The following DAB1 variants were observed in gnomAD, a reference collection of about 807,000 sequenced individuals.
The protein encoded by DAB1 is DAB adaptor protein 1.
A neutral mutation model predicts 64.6 loss-of-function variants in DAB1; 15 were observed. That is an observed-to-expected ratio of 0.23 (90% CI 0.16 to 0.36). The LOEUF (loss-of-function observed/expected upper bound fraction) is 0.36, where lower values mean the gene tolerates loss of function less well. Among genes scored for constraint, DAB1 ranks in the 10% least tolerant of loss-of-function variants. The pLI is 1.00. For missense variants in DAB1, 596 were observed against 706.7 expected (o/e 0.84, Z 1.78); for synonymous variants, 235 against 251.9 (o/e 0.93, Z 0.64).
At chr1:57,612,914 G>A (rs978702018) in intron 7 of DAB1, among the ~76,000 whole-genome samples, 39 of 152,160 alleles carry the variant, frequency 2.6e-4, no homozygotes, top group African/African-American at 9.2e-4. Context: ...ACCATGAACG[G>A]TATGTGTACA....
chr1:57,044,855 G>C (rs1341102643), intron 9 of DAB1, among the ~76,000 whole-genome samples: 1 of 152,084 alleles, frequency 6.6e-6, no homozygotes, highest in Non-Finnish European at 1.5e-5. Flanking sequence ...GCCAGGCAGA[G>C]GTCACTAAGG....
chr1:57,951,062 T>C (rs1041935491), intron 5 of DAB1, among the ~76,000 whole-genome samples: 11 of 152,114 alleles, frequency 7.2e-5, no homozygotes, highest in African/African-American at 2.7e-4. Context: ...GGAGAGTGAA[T>C]GCAGTTCCCC....
intron 5 of DAB1, among the ~76,000 whole-genome samples, chr1:58,039,577 C>A (rs1386428541): frequency 6.6e-6 from 1 of 151,984 alleles, no homozygotes; most frequent in Non-Finnish European, 1.5e-5. Flanking sequence ...ATACTTGACC[C>A]CCGCTCAGAG....
intron 6 of DAB1, among the ~76,000 whole-genome samples, chr1:57,720,027 G>T (rs992400555): frequency 6.6e-6 from 1 of 152,040 alleles, no homozygotes; most frequent in African/African-American, 2.4e-5. Flanking sequence ...GGCTTCAATG[G>T]TTTCTCTGAG....
intron 7 of DAB1, among the ~76,000 whole-genome samples, chr1:57,616,483 A>G (rs1645791546): frequency 6.6e-6 from 1 of 152,186 alleles, no homozygotes; most frequent in African/African-American, 2.4e-5. Flanking sequence ...CACTCAACAG[A>G]CAGTTGAATG....
intron 2 of DAB1, among the ~76,000 whole-genome samples, chr1:57,274,783 T>C (rs1167978999): frequency 6.6e-6 from 1 of 152,144 alleles, no homozygotes; most frequent in Non-Finnish European, 1.5e-5. Flanking sequence ...GGTCTCACCA[T>C]GTTGGCCAGG....
chr1:57,553,469 A>G (rs1428586198), intron 7 of DAB1, among the ~76,000 whole-genome samples: 3 of 23,010 alleles, frequency 1.3e-4, no homozygotes, highest in Non-Finnish European at 1.6e-4. Flanking sequence ...AGAGAAAGGG[A>G]AAGAAAGGAA....
intron 6 of DAB1, among the ~76,000 whole-genome samples, chr1:57,740,899 C>T (rs567535726): frequency 7.9e-5 from 12 of 152,108 alleles, no homozygotes; most frequent in African/African-American, 1.7e-4. Flanking sequence ...TGGTTAACGA[C>T]GTATTGGGCA....
intron 2 of DAB1, among the ~76,000 whole-genome samples, chr1:57,212,406 T>C (rs1282320822): frequency 1.5e-5 from 2 of 130,914 alleles, no homozygotes; most frequent in East Asian, 4.6e-4. Flanking sequence ...CTCACTCCAT[T>C]GCCCAGGCTG....
At chr1:57,081,657 A>C (rs983300616) in intron 4 of DAB1, among the ~76,000 whole-genome samples, 2 of 152,018 alleles carry the variant, frequency 1.3e-5, no homozygotes, top group East Asian at 3.9e-4. Flanking sequence ...TGAACAATAT[A>C]ATAGTCATCA....
intron 3 of DAB1, among the ~76,000 whole-genome samples, chr1:58,344,124 G>C (rs1393799965): frequency 6.6e-6 from 1 of 151,986 alleles, no homozygotes; most frequent in Non-Finnish European, 1.5e-5. Flanking sequence ...GTGACCTTAG[G>C]CAAGTTACTT....
chr1:58,132,054 A>C (rs1273135589), intron 5 of DAB1, among the ~76,000 whole-genome samples: 1 of 151,838 alleles, frequency 6.6e-6, no homozygotes, highest in East Asian at 2.0e-4. Flanking sequence ...CCCCTCCCCC[A>C]GCCTCAATGC....
intron 5 of DAB1, among the ~76,000 whole-genome samples, chr1:58,033,205 G>A (rs1646995325): frequency 1.3e-5 from 2 of 152,174 alleles, no homozygotes; most frequent in Admixed American, 1.3e-4. Flanking sequence ...TGAGATCAGA[G>A]TATTTATTCC....
intron 4 of DAB1, among the ~76,000 whole-genome samples, chr1:58,234,765 G>A (rs556450761): frequency 1.3e-5 from 2 of 152,184 alleles, no homozygotes; most frequent in Non-Finnish European, 2.9e-5. Flanking sequence ...ATCATGAAGG[G>A]ATAATGCTTC....
intron 7 of DAB1, among the ~76,000 whole-genome samples, chr1:57,623,992 T>C (rs183831168): frequency 1.1e-3 from 160 of 152,362 alleles, no homozygotes; most frequent in African/African-American, 3.6e-3. Context: ...ATGAAGACTT[T>C]GGGCTTTCAT....
intron 4 of DAB1, among the ~76,000 whole-genome samples, chr1:58,309,503 T>C (rs961774174): frequency 6.6e-6 from 1 of 152,164 alleles, no homozygotes; most frequent in Non-Finnish European, 1.5e-5. Flanking sequence ...TCTTGGTTTT[T>C]ATAAATGAGG....
chr1:57,081,547 A>T (rs1331723196), intron 4 of DAB1, among the ~76,000 whole-genome samples: 2 of 152,178 alleles, frequency 1.3e-5, no homozygotes, highest in Non-Finnish European at 2.9e-5. Context: ...TTGGATTTTC[A>T]TTTAATCCTG....
intron 14 of DAB1, among the ~76,000 whole-genome samples, chr1:57,001,256 G>A (rs1419706648): frequency 2.0e-5 from 3 of 152,168 alleles, no homozygotes; most frequent in Non-Finnish European, 4.4e-5. Flanking sequence ...AAGCCTAAAT[G>A]GAATCGCACA....
At chr1:57,570,897 T>C (rs1362234346) in intron 7 of DAB1, among the ~76,000 whole-genome samples, 1 of 152,230 alleles carries the variant, frequency 6.6e-6, no homozygotes, top group Non-Finnish European at 1.5e-5. Context: ...TAGTTTTCTT[T>C]GTAGAGGTCT....
Sources: gnomAD v4.1 joint callset for allele counts (sites outside exome capture counted in the v4.1 genomes callset) on GRCh38, gnomAD v4.1.1 for gene constraint, MANE v1.5 for transcripts, NCBI Gene and HGNC (gene_info 2026-07-23, HGNC 2026-07-21) for gene names.